Variants in DNAJA2 observed in about 807,000 individuals in gnomAD.
The protein encoded by DNAJA2 is dnaJ homolog subfamily A member 2.
In DNAJA2, 6 loss-of-function variants were observed where a neutral mutation model predicts 49.3. The observed-to-expected ratio is 0.12, with a 90% CI of 0.07 to 0.24. The LOEUF is 0.24. Among genes scored for constraint, DNAJA2 ranks in the 10% least tolerant of loss-of-function variants. The probability of loss-of-function intolerance (pLI) is 1.00; values close to 1 mark genes in which losing one functional copy is unlikely to be tolerated. For missense variants in DNAJA2, 347 were observed against 516.8 expected (o/e 0.67, Z 3.19); for synonymous variants, 160 against 172.7 (o/e 0.93, Z 0.58).
At position 46,959,311 on chromosome 16, in the gene DNAJA2, C is replaced by G. The variant is rs776422953; in HGVS notation, c.883G>C (p.Val295Leu). The G allele has an allele frequency of 6.2e-6, 10 of 1,613,976 alleles. No homozygotes were observed. Among genetic ancestry groups the G allele is most frequent in the Non-Finnish European group, 8.5e-6 (10 of 1,179,978 alleles). ...TFKHLDGRQI[V>L]VKYPPGKVIE... ...ACTTTGCCAGGGGGGTATTTCACCA[C>G]AATCTGACGTCCATCAAGGTGCTTA... Residue 295 changes from valine to leucine, a missense_variant, in exon 7 of 9, where the codon GTG (valine) becomes CTG (leucine). Transcript: ENST00000317089.
At chr16:46,966,726 T>C (rs999803674) in intron 5 of DNAJA2, among the ~76,000 whole-genome samples, 2 of 152,208 alleles carry the variant, frequency 1.3e-5, no homozygotes, top group African/African-American at 4.8e-5. Context: ...TTTACTTCTG[T>C]AAGGACAGCT....
chr16:46,971,254 G>T, intron 3 of DNAJA2, 95 bp downstream of exon 3: 2 of 1,057,626 alleles, frequency 1.9e-6, no homozygotes, highest in Non-Finnish European at 1.3e-6. Flanking sequence ...TCTAATGAAG[G>T]ACAGAACACT....
intron 3 of DNAJA2, among the ~76,000 whole-genome samples, chr16:46,970,805 G>A (rs897923541): frequency 2.1e-5 from 3 of 142,764 alleles, no homozygotes; most frequent in Non-Finnish European, 4.5e-5. Flanking sequence ...TTGGGAGGCC[G>A]AGGCAGGCAG....
intron 1 of DNAJA2, chr16:46,973,001 A>C (rs1962078457): frequency 6.6e-6 from 1 of 151,834 alleles, no homozygotes; most frequent in Non-Finnish European, 1.5e-5. Context: ...CATCCGCCCG[A>C]GGCGCTCTGT....
intron 5 of DNAJA2, among the ~76,000 whole-genome samples, chr16:46,965,528 G>T (rs183356869): frequency 6.6e-6 from 1 of 152,204 alleles, no homozygotes; most frequent in East Asian, 1.9e-4. Flanking sequence ...TGCAAAACAC[G>T]TTCTTCAAAA....
rs951248964 is a variant in DNAJA2, at chr16:46,956,958, C to T, written c.*71G>A. 1.9e-6 allele frequency: 3 copies of T among 1,555,296 alleles called. No homozygotes were observed. Among genetic ancestry groups the T allele is most frequent in the Admixed American group, 1.7e-5 (1 of 59,836 alleles). On this transcript the variant is annotated 3_prime_UTR_variant, in exon 9 of 9. Coordinates refer to ENST00000317089, the MANE Select transcript of DNAJA2 (RefSeq NM_005880.4). ...GTTCATCTGGATTGATAAGACACTCCAGCTGGATTGCTGAGAACAAATCAG... is the reference window on the plus strand; with the variant it reads ...GTTCATCTGGATTGATAAGACACTCTAGCTGGATTGCTGAGAACAAATCAG...
chr16:46,968,274 C>T, intron 3 of DNAJA2, 110 bp from the exon 4 acceptor site: 1 of 652,008 alleles, frequency 1.5e-6, no homozygotes, highest in South Asian at 2.0e-5. Context: ...AAACAGAATT[C>T]AAAAACACCT....
intron 4 of DNAJA2, 67 bp downstream of exon 4, chr16:46,968,017 C>T (rs1207497792): frequency 2.2e-6 from 3 of 1,381,506 alleles, no homozygotes; most frequent in Non-Finnish European, 3.0e-6. Context: ...TTACGTGGTA[C>T]AGACATTCAG....
chr16:46,969,846 C>T (rs1430075261), intron 3 of DNAJA2, among the ~76,000 whole-genome samples: 5 of 152,018 alleles, frequency 3.3e-5, no homozygotes, highest in Non-Finnish European at 7.4e-5. Context: ...TTTTTTTAAA[C>T]ATGAAGAACT....
chr16:46,958,850 G>A, intron 8 of DNAJA2, 153 bp downstream of exon 8: 2 of 781,922 alleles, frequency 2.6e-6, no homozygotes, highest in Non-Finnish European at 3.9e-6. Context: ...GGGCTGAGGT[G>A]AGAGGATCGC....
chr16:46,967,416 T>C (rs1961987665), intron 5 of DNAJA2, 97 bp downstream of exon 5: 12 of 1,504,344 alleles, frequency 8.0e-6, no homozygotes, highest in South Asian at 2.5e-5. Context: ...ATAAGATGTA[T>C]ACAAATACCC....
At chr16:46,972,851 C>T (rs1458336876) in intron 1 of DNAJA2, 5 of 152,270 alleles carry the variant, frequency 3.3e-5, no homozygotes, top group Non-Finnish European at 7.3e-5. Context: ...TATTCCTAAG[C>T]AGGTACAGGA....
chr16:46,966,573 G>A (rs940233167), intron 5 of DNAJA2, among the ~76,000 whole-genome samples: 1 of 152,186 alleles, frequency 6.6e-6, no homozygotes, highest in Non-Finnish European at 1.5e-5. Flanking sequence ...TAGAATGGCA[G>A]GGGTGGGAGG....
At chr16:46,967,421 A>G in intron 5 of DNAJA2, 92 bp downstream of exon 5, 1 of 1,526,878 alleles carries the variant, frequency 6.5e-7, no homozygotes, top group Non-Finnish European at 8.9e-7. Context: ...ATGTATACAA[A>G]TACCCTTTGA....
At chr16:46,964,853 T>C (rs1320983788) in intron 5 of DNAJA2, 46 bp from the exon 6 acceptor site, 3 of 1,421,836 alleles carry the variant, frequency 2.1e-6, no homozygotes, top group Middle Eastern at 3.7e-4. Flanking sequence ...TACTATACTG[T>C]ACTCTTAATA....
At chr16:46,962,789 A>T (rs973066593) in intron 6 of DNAJA2, among the ~76,000 whole-genome samples, 4 of 152,244 alleles carry the variant, frequency 2.6e-5, no homozygotes, top group African/African-American at 9.6e-5. Flanking sequence ...CAAAAAGCCA[A>T]AATACATAAT....
chr16:46,971,449 A>G lies in DNAJA2; in HGVS notation c.262T>C (p.Phe88Leu), dbSNP rs756377849. 1 of 1,614,110 alleles carries G rather than the reference A, an allele frequency of 6.2e-7. No homozygotes were observed. The highest frequency in any genetic ancestry group is 8.5e-7 in the Non-Finnish European group (1 of 1,180,018). The change falls in exon 3 of 9, where the codon TTC (phenylalanine) becomes CTC (leucine). Residue 88 changes from phenylalanine to leucine, a missense_variant. Physicochemically the swap from Phe to Leu is conservative, Grantham distance 22. Coordinates refer to ENST00000317089, the MANE Select transcript of DNAJA2 (RefSeq NM_005880.4). Reference protein sequence around the residue: ...SGGGGGMDDIFSHIFGGGLFG... With the variant: ...SGGGGGMDDILSHIFGGGLFG... ...AATCCCCCACCAAAAATGTGAGAGA[A>G]AATATCATCCATGCCACCACCTCCG... is the stretch of plus-strand genomic sequence containing the variant.
chr16:46,969,195 G>T (rs926843219), intron 3 of DNAJA2, among the ~76,000 whole-genome samples: 5 of 152,162 alleles, frequency 3.3e-5, no homozygotes, highest in African/African-American at 4.8e-5. Flanking sequence ...ATAGTTTAAA[G>T]TATTTTACAA....
chr16:46,968,926 A>C (rs1962010275), intron 3 of DNAJA2, among the ~76,000 whole-genome samples: 1 of 152,102 alleles, frequency 6.6e-6, no homozygotes, highest in Non-Finnish European at 1.5e-5. Flanking sequence ...GCATGTCTGA[A>C]GTCCCAGCTA....
Sources: gnomAD v4.1 joint callset for allele counts (sites outside exome capture counted in the v4.1 genomes callset) on GRCh38, gnomAD v4.1.1 for gene constraint, MANE v1.5 for transcripts, NCBI Gene and HGNC (gene_info 2026-07-23, HGNC 2026-07-21) for gene names.